Variants in AFTPH observed in about 807,000 individuals in gnomAD.
AFTPH encodes the protein aftiphilin protein.
Under a neutral mutation model 72.5 loss-of-function variants are expected in AFTPH, and 7 were observed. The observed-to-expected ratio is 0.10, with a 90% CI of 0.05 to 0.18. The LOEUF is 0.18. AFTPH is among the 10% of genes least tolerant of loss of function. The pLI is 1.00. For missense variants in AFTPH, 979 were observed against 1,060.5 expected, an observed-to-expected ratio of 0.92 and a Z score of 1.07; for synonymous variants, 337 against 370.1, an observed-to-expected ratio of 0.91 and a Z score of 1.03.
chr2:64,525,466 A>C (rs886646264), intron 1 of AFTPH: 5 of 154,240 alleles, frequency 3.2e-5, no homozygotes, highest in African/African-American at 1.2e-4. Context: ...TAAATTTTTT[A>C]CTGGGCGGGG....
chr2:64,575,300 C>G (rs1478960578), intron 6 of AFTPH, among the ~76,000 whole-genome samples: 1 of 152,038 alleles, frequency 6.6e-6, no homozygotes, highest in Non-Finnish European at 1.5e-5. Context: ...TTGTATGGTC[C>G]TTGCTTGACT....
At chr2:64,552,990 A>G in exon 2 of AFTPH, 1 of 1,614,176 alleles carries the variant, frequency 6.2e-7, no homozygotes, top group East Asian at 2.2e-5. Flanking sequence ...GACTTCTGAT[A>G]ATTTATCAGA....
At chr2:64,542,000 C>A (rs1670282777) in intron 1 of AFTPH, among the ~76,000 whole-genome samples, 1 of 152,098 alleles carries the variant, frequency 6.6e-6, no homozygotes, top group African/African-American at 2.4e-5. Flanking sequence ...TCTTTTCCTT[C>A]ACCCTCCATC....
chr2:64,577,095 T>C (rs1294810527), intron 6 of AFTPH, among the ~76,000 whole-genome samples: 1 of 152,140 alleles, frequency 6.6e-6, no homozygotes, highest in Non-Finnish European at 1.5e-5. Flanking sequence ...AAAGGCTAAG[T>C]GATTTACCCA....
At chr2:64,551,856 A>C (rs753376491) in exon 2 of AFTPH, 1 of 1,613,804 alleles carries the variant, frequency 6.2e-7, no homozygotes, top group African/African-American at 1.3e-5. Context: ...CATTGATGGC[A>C]TGGAAAGACC....
chr2:64,572,852 G>T, intron 5 of AFTPH, 94 bp from the exon 6 acceptor site: 1 of 1,492,762 alleles, frequency 6.7e-7, no homozygotes, highest in Non-Finnish European at 9.0e-7. Flanking sequence ...CTTTCCAAGT[G>T]ACCTGTTTTT....
exon 9 of AFTPH, chr2:64,592,692 G>A (rs999697093): frequency 7.9e-5 from 12 of 152,584 alleles, no homozygotes; most frequent in Middle Eastern, 3.2e-3. Context: ...AAATCAGTAT[G>A]ATTCAGAGAA....
intron 2 of AFTPH, among the ~76,000 whole-genome samples, chr2:64,563,772 A>AT (rs555020657): frequency 2.2e-4 from 34 of 152,106 alleles, no homozygotes; most frequent in African/African-American, 7.7e-4. Flanking sequence ...CGCCCAGCTA[A>AT]TTTTTTTGTA....
intron 8 of AFTPH, among the ~76,000 whole-genome samples, chr2:64,586,701 C>G (rs995206344): frequency 6.6e-6 from 1 of 152,160 alleles, no homozygotes; most frequent in Admixed American, 6.5e-5. Context: ...TTCTCATAGC[C>G]CCATGTCTTT....
intron 2 of AFTPH, among the ~76,000 whole-genome samples, chr2:64,564,788 A>G (rs1671957620): frequency 6.6e-6 from 1 of 151,864 alleles, no homozygotes; most frequent in Non-Finnish European, 1.5e-5. Context: ...GTGGTGAGAA[A>G]CTCATTACAG....
At chr2:64,575,490 G>A (rs1439179429) in intron 6 of AFTPH, among the ~76,000 whole-genome samples, 2 of 152,038 alleles carry the variant, frequency 1.3e-5, no homozygotes, top group South Asian at 2.1e-4. Flanking sequence ...GATGGCATGA[G>A]CCTGTAGTCC....
chr2:64,531,233 CTTA>C (rs1669617515), intron 1 of AFTPH, among the ~76,000 whole-genome samples: 2 of 152,032 alleles, frequency 1.3e-5, no homozygotes, highest in East Asian at 1.9e-4. Context: ...ATTCTTTGAC[CTTA>C]TTGTTGATTA....
chr2:64,572,503 TAG>T (rs1447851891), intron 5 of AFTPH, among the ~76,000 whole-genome samples: 1 of 152,198 alleles, frequency 6.6e-6, no homozygotes, highest in East Asian at 1.9e-4. Flanking sequence ...GTTGGATTTT[TAG>T]AGGTTAGATG....
intron 1 of AFTPH, among the ~76,000 whole-genome samples, chr2:64,527,410 G>A (rs1461506217): frequency 3.3e-5 from 5 of 152,000 alleles, no homozygotes; most frequent in African/African-American, 9.7e-5. Flanking sequence ...GAGAAACCCC[G>A]TCTCTACTGA....
At chr2:64,589,226 G>A (rs10202293) in intron 8 of AFTPH, among the ~76,000 whole-genome samples, 29,327 of 151,958 alleles carry the variant, frequency 0.19, 3,866 homozygotes, top group African/African-American at 0.38. Context: ...TCTGTATATG[G>A]TATGAGGTAG....
chr2:64,531,030 CCAG>C (rs994478935), intron 1 of AFTPH, among the ~76,000 whole-genome samples: 44 of 137,420 alleles, frequency 3.2e-4, no homozygotes, highest in African/African-American at 1.2e-3. Context: ...CCACTGCACT[CCAG>C]TCTGGGTGAC....
At chr2:64,574,519 G>A (rs77475675) in intron 6 of AFTPH, among the ~76,000 whole-genome samples, 234 of 152,310 alleles carry the variant, frequency 1.5e-3, no homozygotes, top group African/African-American at 5.5e-3. Flanking sequence ...GGTAGCACCT[G>A]CAGAACTAGT....
At chr2:64,547,167 C>G (rs1000426022) in intron 1 of AFTPH, among the ~76,000 whole-genome samples, 2 of 152,176 alleles carry the variant, frequency 1.3e-5, no homozygotes, top group Admixed American at 6.5e-5. Context: ...CACAATCATC[C>G]CAGTAGCAAC....
chr2:64,581,666 A>G (rs1673213563), intron 7 of AFTPH, among the ~76,000 whole-genome samples: 1 of 152,238 alleles, frequency 6.6e-6, no homozygotes, highest in African/African-American at 2.4e-5. Flanking sequence ...TAGTATACAA[A>G]GATGACTTTA....
Sources: allele counts gnomAD v4.1 joint callset (sites outside exome capture counted in the v4.1 genomes callset), GRCh38; gene constraint gnomAD v4.1.1; transcripts MANE v1.5; gene names NCBI Gene and HGNC (gene_info 2026-07-23, HGNC 2026-07-21).